USP34: variants seen among roughly 807,000 people sequenced by gnomAD.
USP34 encodes the protein ubiquitin carboxyl-terminal hydrolase 34.
In USP34, 70 loss-of-function variants were observed where a neutral mutation model predicts 460.3. The ratio of observed to expected loss-of-function variants is 0.15; its 90% confidence interval spans 0.13 to 0.19. The LOEUF (loss-of-function observed/expected upper bound fraction) is 0.19, where lower values mean the gene tolerates loss of function less well. Ranked by LOEUF, USP34 falls within the 10% of genes least tolerant of loss-of-function variation. The pLI is 1.00. For synonymous variants in USP34, 1,647 were observed against 1,405.3 expected, an observed-to-expected ratio of 1.17 and a Z score of -3.85; for missense variants, 3,985 against 4,236.2, an observed-to-expected ratio of 0.94 and a Z score of 1.65.
intron 27 of USP34, among the ~76,000 whole-genome samples, chr2:61,310,176 T>G (rs1690543206): frequency 6.6e-6 from 1 of 152,166 alleles, no homozygotes; most frequent in African/African-American, 2.4e-5. Flanking sequence ...ACTTTATTAT[T>G]TTCATACACT....
intron 1 of USP34, among the ~76,000 whole-genome samples, chr2:61,460,886 G>A (rs182594746): frequency 3.2e-4 from 48 of 151,838 alleles, no homozygotes; most frequent in African/African-American, 1.1e-3. Flanking sequence ...GAGAGGCTGA[G>A]GCAGGACAAT....
At position 61,464,098 on chromosome 2, in the gene USP34, C is replaced by T. The variant is rs115960360; in HGVS notation, c.43+6552G>A. On this transcript the variant is annotated intron_variant, in intron 1 of 79. Coordinates refer to ENST00000398571, the MANE Select transcript of USP34 (RefSeq NM_014709.4). ...CACTGAAAGGCCGAGGCAGGTGGAT[C>T]ACCTGACATCATTAGTTCAAGACCA... Among the ~76,000 whole-genome samples, 734 of 152,316 alleles carry T rather than the reference C, an allele frequency of 4.8e-3. 7 individuals are homozygous for T. Among genetic ancestry groups the T allele is most frequent in the African/African-American group, 0.017 (697 of 41,572 alleles).
Position 61,423,539 on chromosome 2 carries a change from TAAAG to T in USP34, c.44-2710_44-2707del, listed in dbSNP as rs575836478. On this transcript the variant is annotated intron_variant, in intron 1 of 79. Coordinates refer to ENST00000398571, the MANE Select transcript of USP34 (RefSeq NM_014709.4). ...ACTACAAAATGTTGCTAAAAGGAAT[TAAAG>T]AAGATGTAAATAAATGGGAAGAAAT... Among the ~76,000 whole-genome samples, 73 of 152,152 alleles carry T rather than the reference TAAAG, an allele frequency of 4.8e-4. 2 individuals carry two copies. The South Asian group carries it at 0.015, about 31-fold the overall frequency.
Position 61,331,320 on chromosome 2 carries a change from T to C in USP34, c.2886A>G (p.Val962=). 1 of 1,612,594 alleles carries C rather than the reference T, an allele frequency of 6.2e-7. No individual in the cohort carries two copies. Among genetic ancestry groups the C allele is most frequent in the Non-Finnish European group, 8.5e-7 (1 of 1,179,190 alleles). Residue 962 remains valine (V), a synonymous_variant, in exon 20 of 80, where the codon GTA becomes GTG. Coordinates refer to ENST00000398571, the MANE Select transcript of USP34 (RefSeq NM_014709.4). The stretch of plus-strand genomic sequence containing the variant: ...CTTCTCTCACAGTTTGAATGTAGTA[T>C]ACCAAATTATCAAAGAAAAGCTTCA... The part of the protein sequence containing the change: ...NMMKLFFDNL[V]YYIQTVREGR...
At chr2:61,423,671 C>G (rs1694426737) in intron 1 of USP34, among the ~76,000 whole-genome samples, 1 of 152,092 alleles carries the variant, frequency 6.6e-6, no homozygotes, top group South Asian at 2.1e-4. Context: ...CAGTGAGGCC[C>G]AACAGCTCAC....
intron 72 of USP34, 24 bp from the exon 73 acceptor site, chr2:61,204,625 G>A: frequency 6.3e-7 from 1 of 1,594,440 alleles, no homozygotes; most frequent in Non-Finnish European, 8.6e-7. Context: ...CAAAGTTTGG[G>A]TAGCAAAAAA....
At position 61,198,542 on chromosome 2, in the gene USP34, A is replaced by T. The variant is rs575572331; in HGVS notation, c.9508+4598T>A. ...ACCATATGGGTATCATCTGAGCTTC[A>T]CCCTATCTGATAGACTTTTTTTTTT... On this transcript the variant is annotated intron_variant, in intron 75 of 79. Coordinates refer to ENST00000398571, the MANE Select transcript of USP34 (RefSeq NM_014709.4). Among the ~76,000 whole-genome samples, 179 of 147,966 alleles carry T rather than the reference A, an allele frequency of 1.2e-3. 1 individual carries two copies. Among genetic ancestry groups the T allele is most frequent in the Middle Eastern group, 3.5e-3 (1 of 282 alleles).
chr2:61,301,230 A>G, intron 28 of USP34, 70 bp from the exon 29 acceptor site: 6 of 1,530,698 alleles, frequency 3.9e-6, no homozygotes, highest in Non-Finnish European at 5.3e-6. Flanking sequence ...AATCTGAAGT[A>G]TAGAATCACT....
Position 61,376,095 on chromosome 2 carries a change from T to A in USP34, c.1076+2268A>T, listed in dbSNP as rs180826094. Among the ~76,000 whole-genome samples, 428 of 151,928 alleles carry A rather than the reference T, an allele frequency of 2.8e-3. 1 individual carries two copies. The highest frequency in any genetic ancestry group is 9.8e-3 in the African/African-American group (406 of 41,228). On this transcript the variant is annotated intron_variant, in intron 8 of 79. Transcript: ENST00000398571. ...ACAAATGGGCAAAAGACATCTTTTT[T>A]AAGTGATGGAAATGTTCTAGAATTG... is the stretch of plus-strand genomic sequence containing the variant.
intron 41 of USP34, among the ~76,000 whole-genome samples, chr2:61,270,127 G>C (rs549718819): frequency 1.3e-5 from 2 of 152,310 alleles, no homozygotes; most frequent in South Asian, 2.1e-4. Context: ...TCTGAAATTT[G>C]TATGTTGAAA....
rs1459830582 is a variant in USP34 at position 61,405,756 on chromosome 2, C to T, written c.504G>A (p.Gln168=). 2.5e-6 allele frequency: 4 copies of T among 1,598,108 alleles called. No homozygotes were observed. Among genetic ancestry groups the T allele is most frequent in the Non-Finnish European group, 3.4e-6 (4 of 1,174,722 alleles). ...GCTTGTAAGCAGTATATAAGGGAAACTGAATTTGAAAAATTTTTGCCACAC... is the reference window on the plus strand; with the variant it reads ...GCTTGTAAGCAGTATATAAGGGAAATTGAATTTGAAAAATTTTTGCCACAC... ...LLCVAKIFQI[Q]FPLYTAYKHN... The change falls in exon 3 of 80, where the codon CAG becomes CAA. Residue 168 remains glutamine, a synonymous_variant. Coordinates refer to ENST00000398571, the MANE Select transcript of USP34 (RefSeq NM_014709.4).
At chr2:61,466,322 G>A (rs1327308113) in intron 1 of USP34, among the ~76,000 whole-genome samples, 2 of 151,954 alleles carry the variant, frequency 1.3e-5, no homozygotes, top group Non-Finnish European at 2.9e-5. Context: ...CTACTTGGGA[G>A]GATGTGGCAG....
chr2:61,403,780 G>T (rs1198719828), intron 3 of USP34, among the ~76,000 whole-genome samples: 1 of 152,006 alleles, frequency 6.6e-6, no homozygotes, highest in African/African-American at 2.4e-5. Context: ...AAGGCCAGGA[G>T]ATCGAGACCA....
At chr2:61,407,920 G>T (rs535967405) in intron 2 of USP34, among the ~76,000 whole-genome samples, 2 of 152,204 alleles carry the variant, frequency 1.3e-5, no homozygotes, top group African/African-American at 4.8e-5. Flanking sequence ...TTCGAGATCA[G>T]CCTGGTCAAC....
At chr2:61,221,649 C>T (rs889483927) in intron 65 of USP34, 43 bp from the exon 66 acceptor site, 17 of 1,568,152 alleles carry the variant, frequency 1.1e-5, no homozygotes, top group Non-Finnish European at 1.1e-5. Context: ...TCAATCTGAA[C>T]CCATCTCCTT....
intron 75 of USP34, among the ~76,000 whole-genome samples, chr2:61,198,245 C>T (rs558581633): frequency 1.4e-4 from 22 of 152,164 alleles, no homozygotes; most frequent in Non-Finnish European, 2.5e-4. Context: ...GCGATTTTCC[C>T]CTTGTTTATA....
intron 2 of USP34, 77 bp downstream of exon 2, chr2:61,420,664 AAAAAG>A (rs1694328707): frequency 1.0e-6 from 1 of 1,004,354 alleles, no homozygotes; most frequent in Middle Eastern, 2.2e-4. Context: ...CCAACACCCT[AAAAAG>A]AAAATGTGAC....
intron 5 of USP34, among the ~76,000 whole-genome samples, chr2:61,384,025 GT>G (rs1001617276): frequency 1.3e-3 from 198 of 152,100 alleles, no homozygotes; most frequent in African/African-American, 4.7e-3. Flanking sequence ...AACCGTATTA[GT>G]TTTTAACTAA....
chr2:61,446,521 C>T (rs1376318767), intron 1 of USP34, among the ~76,000 whole-genome samples: 1 of 152,144 alleles, frequency 6.6e-6, no homozygotes, highest in Non-Finnish European at 1.5e-5. Context: ...GTAGGCTGGG[C>T]GTGGTAGCTC....
Sources: allele counts gnomAD v4.1 joint callset (sites outside exome capture counted in the v4.1 genomes callset), GRCh38; gene constraint gnomAD v4.1.1; transcripts MANE v1.5; gene names NCBI Gene and HGNC (gene_info 2026-07-23, HGNC 2026-07-21).